The following ASL variants were observed in gnomAD, a reference collection of about 807,000 sequenced individuals.
ASL encodes the protein argininosuccinate lyase.
A neutral mutation model predicts 69.1 loss-of-function variants in ASL; 51 were observed. The observed-to-expected ratio is 0.74, with a 90% CI of 0.59 to 0.93. The LOEUF (loss-of-function observed/expected upper bound fraction) is 0.93, where lower values mean the gene tolerates loss of function less well. ASL is among the 40% of genes least tolerant of loss of function. ASL has a pLI of 0.00. For missense variants in ASL, 540 were observed against 623.9 expected (o/e 0.87, Z 1.43); for synonymous variants, 241 against 247.6 (o/e 0.97, Z 0.25).
chr7:66,084,920 C>G (rs1374296913), intron 6 of ASL, among the ~76,000 whole-genome samples: 2 of 151,674 alleles, frequency 1.3e-5, no homozygotes, highest in African/African-American at 2.4e-5. Context: ...TGCCCAGCCG[C>G]GAATTCTTTA....
chr7:66,082,015 A>C lies in ASL; in HGVS notation c.207+18A>C. On this transcript the variant is annotated intron_variant, in intron 3 of 16. Coordinates refer to ENST00000304874, the MANE Select transcript of ASL (RefSeq NM_000048.4). ...TAGACAAGGTACTTGCCGTGGCCCA[A>C]GCCCCACCCAAGGCCCCTTCCCTGT... 1 of 1,585,490 alleles carries C rather than the reference A, an allele frequency of 6.3e-7. No homozygotes were observed. The highest frequency in any genetic ancestry group is 8.6e-7 in the Non-Finnish European group (1 of 1,165,942).
intron 14 of ASL, among the ~76,000 whole-genome samples, chr7:66,091,082 T>G (rs1451951677): frequency 8.0e-6 from 1 of 125,310 alleles, no homozygotes; most frequent in African/African-American, 3.2e-5. Context: ...TGTGTGACAG[T>G]GCAAGACTCC....
At chr7:66,086,145 T>C (rs576404899) in intron 6 of ASL, among the ~76,000 whole-genome samples, 1 of 152,292 alleles carries the variant, frequency 6.6e-6, no homozygotes, top group Admixed American at 6.5e-5. Flanking sequence ...ACAGCACCTC[T>C]GCCTCTGCCC....
chr7:66,079,731 T>G (rs965521206), intron 2 of ASL, among the ~76,000 whole-genome samples: 2 of 152,102 alleles, frequency 1.3e-5, no homozygotes, highest in African/African-American at 4.8e-5. Flanking sequence ...GCGATTCTCC[T>G]GCCTCAGCCT....
At chr7:66,077,682 T>G (rs1421047689) in intron 2 of ASL, among the ~76,000 whole-genome samples, 1 of 151,778 alleles carries the variant, frequency 6.6e-6, no homozygotes, top group African/African-American at 2.4e-5. Context: ...TGAGCTGAGA[T>G]CGCACCACTG....
intron 9 of ASL, 140 bp from the exon 10 acceptor site, chr7:66,087,589 C>T: frequency 1.0e-6 from 1 of 996,810 alleles, no homozygotes; most frequent in Non-Finnish European, 1.5e-6. Flanking sequence ...CTCCTGCCTC[C>T]CTCCTGGGAC....
At chr7:66,077,151 G>C (rs1180183606) in intron 2 of ASL, among the ~76,000 whole-genome samples, 1 of 152,180 alleles carries the variant, frequency 6.6e-6, no homozygotes, top group Non-Finnish European at 1.5e-5. Flanking sequence ...CTCAATAAAT[G>C]GTGGCTAACC....
At chr7:66,083,213 G>A (rs766702759) in intron 6 of ASL, 39 bp downstream of exon 6, 59 of 1,604,706 alleles carry the variant, frequency 3.7e-5, no homozygotes, top group Non-Finnish European at 4.7e-5. Context: ...AGACAGAGGT[G>A]TGATGGAAGC....
At chr7:66,079,109 G>A (rs561195079) in intron 2 of ASL, among the ~76,000 whole-genome samples, 1 of 152,034 alleles carries the variant, frequency 6.6e-6, no homozygotes, top group African/African-American at 2.4e-5. Flanking sequence ...AGTAGAGACG[G>A]AGTTTCACCA....
intron 6 of ASL, among the ~76,000 whole-genome samples, chr7:66,085,938 A>G (rs574584288): frequency 6.6e-4 from 100 of 152,140 alleles, no homozygotes; most frequent in Non-Finnish European, 1.1e-3. Flanking sequence ...AAAACTAAAA[A>G]TTAGCTGGGC....
chr7:66,086,485 G>A, intron 6 of ASL, 100 bp from the exon 7 acceptor site: 1 of 1,279,502 alleles, frequency 7.8e-7, no homozygotes, highest in Non-Finnish European at 1.1e-6. Flanking sequence ...GCTGCAGCGT[G>A]ACACTTTTTC....
intron 2 of ASL, among the ~76,000 whole-genome samples, chr7:66,077,650 A>G (rs1440881636): frequency 6.6e-6 from 1 of 150,972 alleles, no homozygotes; most frequent in African/African-American, 2.4e-5. Flanking sequence ...AATCGCTTGA[A>G]CTCGGGAGGC....
At chr7:66,091,566 A>T (rs1055903931) in intron 14 of ASL, among the ~76,000 whole-genome samples, 1 of 152,056 alleles carries the variant, frequency 6.6e-6, no homozygotes, top group Non-Finnish European at 1.5e-5. Flanking sequence ...GCCCAAAACA[A>T]CAACAACAAA....
At chr7:66,089,798 C>T in intron 14 of ASL, 103 bp downstream of exon 14, 2 of 1,284,566 alleles carry the variant, frequency 1.6e-6, no homozygotes, top group Non-Finnish European at 1.1e-6. Flanking sequence ...GCTGGAGGAC[C>T]TGGGGCAGGG....
Position 66,082,875 on chromosome 7 carries a change from T to G in ASL, c.292-5T>G. The G allele has an allele frequency of 6.2e-7, 1 of 1,613,530 alleles. No individual in the cohort carries two copies. Among genetic ancestry groups the G allele is most frequent in the Non-Finnish European group, 8.5e-7 (1 of 1,179,950 alleles). ...CCGTGACCCTGGGTCTCCCTTCACC[T>G]CCAGGAGCTCATTGGTGCAACGGCA... On this transcript the variant is annotated splice_polypyrimidine_tract_variant and splice_region_variant and intron_variant, in intron 4 of 16. Transcript: ENST00000304874.
chr7:66,088,218 C>T (rs1187302588), intron 10 of ASL, among the ~76,000 whole-genome samples: 2 of 151,810 alleles, frequency 1.3e-5, no homozygotes, highest in Non-Finnish European at 2.9e-5. Context: ...TGGTGGCTCA[C>T]GCCCGTAATC....
chr7:66,089,272 G>A lies in ASL; in HGVS notation c.919-4G>A, dbSNP rs756230523. On this transcript the variant is annotated splice_polypyrimidine_tract_variant and splice_region_variant and intron_variant, in intron 12 of 16. Coordinates refer to ENST00000304874, the MANE Select transcript of ASL (RefSeq NM_000048.4). The stretch of plus-strand genomic sequence containing the variant: ...CCAGCCCCTGTGCCTCCCTCTTCCC[G>A]CAGTGTGCCGGGCTCCTGATGACCC... 4 of 1,610,634 alleles carry A rather than the reference G, an allele frequency of 2.5e-6. No homozygotes were observed. The highest frequency in any genetic ancestry group is 8.5e-7 in the Non-Finnish European group (1 of 1,178,644).
chr7:66,090,566 G>A (rs553657993), intron 14 of ASL, among the ~76,000 whole-genome samples: 1 of 152,212 alleles, frequency 6.6e-6, no homozygotes, highest in East Asian at 1.9e-4. Flanking sequence ...GAGCCACTTT[G>A]CCTGGCTGAT....
At chr7:66,082,772 C>T (rs985944374) in intron 4 of ASL, 108 bp from the exon 5 acceptor site, 1 of 1,350,020 alleles carries the variant, frequency 7.4e-7, no homozygotes. Context: ...GGACCCGGAG[C>T]CCTGGGGTAT....
Sources: gnomAD v4.1 joint callset for allele counts (sites outside exome capture counted in the v4.1 genomes callset) on GRCh38, gnomAD v4.1.1 for gene constraint, MANE v1.5 for transcripts, NCBI Gene and HGNC (gene_info 2026-07-23, HGNC 2026-07-21) for gene names.